The following HIP1 variants were observed in gnomAD, a reference collection of about 807,000 sequenced individuals.
The protein encoded by HIP1 is huntingtin interacting protein 1.
HIP1 carries 65 observed loss-of-function variants against 147.6 expected under a neutral mutation model. The ratio of observed to expected loss-of-function variants is 0.44; its 90% confidence interval spans 0.36 to 0.54. The LOEUF is 0.54. HIP1 is among the 20% of genes least tolerant of loss of function. The pLI is 0.00. For missense variants in HIP1, 1,061 were observed against 1,299.6 expected, an observed-to-expected ratio of 0.82 and a Z score of 2.82; for synonymous variants, 479 against 504.0, an observed-to-expected ratio of 0.95 and a Z score of 0.67.
intron 17 of HIP1, 101 bp downstream of exon 17, chr7:75,556,609 C>G: frequency 1.3e-6 from 1 of 757,802 alleles, no homozygotes; most frequent in Non-Finnish European, 2.3e-6. Context: ...CACCTGAGCC[C>G]AGGGAGGTGG....
chr7:75,717,988 A>G (rs1205453933), intron 1 of HIP1, among the ~76,000 whole-genome samples: 1 of 151,634 alleles, frequency 6.6e-6, no homozygotes, highest in Non-Finnish European at 1.5e-5. Flanking sequence ...AAAAAAAAAA[A>G]AGAATTAGCT....
chr7:75,634,932 A>C (rs4731229), intron 1 of HIP1, among the ~76,000 whole-genome samples: 41,066 of 131,958 alleles, frequency 0.31, 6,775 homozygotes, highest in African/African-American at 0.36. Context: ...AGAGTGAGAC[A>C]CTATCTCTGA....
In HIP1 at chr7:75,579,879, G is replaced by A. The variant is rs143064194; in HGVS notation, c.604+1358C>T. ...CGTATGGAGACCTGCAATGTGGAAC[G>A]TTGTCTTTCAGAGTTGGATGCTTGT... On this transcript the variant is annotated intron_variant, in intron 7 of 30. Transcript: ENST00000336926. Among the ~76,000 whole-genome samples, 24 of 152,268 alleles carry A rather than the reference G, an allele frequency of 1.6e-4. No individual in the cohort carries two copies. The East Asian group carries it at 4.6e-3, about 29-fold the overall frequency.
intron 17 of HIP1, 149 bp from the exon 18 acceptor site, chr7:75,556,318 T>C (rs1795005300): frequency 9.9e-7 from 1 of 1,008,206 alleles, no homozygotes; most frequent in Non-Finnish European, 1.5e-6. Flanking sequence ...GGGGACACAC[T>C]GATTGCAGTG....
rs61502264 is a variant in HIP1, at chr7:75,581,973, A to C, written c.542+102T>G. On this transcript the variant is annotated intron_variant, in intron 6 of 30. Transcript: ENST00000336926. ...ACCCAGGGGCTTTGGTCCCCATCCCAGCCACGGCCTCCCCCCATCAGGCCC... is the reference window on the plus strand; with the variant it reads ...ACCCAGGGGCTTTGGTCCCCATCCCCGCCACGGCCTCCCCCCATCAGGCCC... 4,869 of 937,666 alleles carry C rather than the reference A, an allele frequency of 5.2e-3. 152 individuals carry two copies. In the African/African-American group the frequency reaches 0.069, roughly 13 times the overall value. 58.1% of individuals were successfully genotyped at this position (937,666 alleles called of 1,614,324 possible). A position where few individuals can be genotyped will look rare whatever the true frequency, so the allele number is the denominator to read the frequency against.
chr7:75,558,854 A>T (rs1584796168), intron 14 of HIP1, among the ~76,000 whole-genome samples: 1 of 152,098 alleles, frequency 6.6e-6, no homozygotes, highest in South Asian at 2.1e-4. Flanking sequence ...CCCCATCTCT[A>T]CTATAAATAC....
At chr7:75,609,235 C>T (rs1188626080) in intron 1 of HIP1, among the ~76,000 whole-genome samples, 2 of 152,296 alleles carry the variant, frequency 1.3e-5, no homozygotes, top group Admixed American at 1.3e-4. Context: ...CCAAGCAACA[C>T]TTCATCATAG....
At chr7:75,655,513 C>T (rs930719074) in intron 1 of HIP1, among the ~76,000 whole-genome samples, 3 of 150,846 alleles carry the variant, frequency 2.0e-5, no homozygotes, top group Admixed American at 6.6e-5. Context: ...ATCCAGGAAG[C>T]GGAGGTTGTA....
intron 1 of HIP1, among the ~76,000 whole-genome samples, chr7:75,717,676 C>CAAAAAAAAAAAAAAAA (rs55982331): frequency 2.5e-5 from 3 of 117,740 alleles, no homozygotes; most frequent in African/African-American, 3.5e-5. Flanking sequence ...ACTAAAAATA[C>CAAAAAAAAAAAAAAAA]AAAAAAAAAA....
chr7:75,715,464 G>C (rs967687914), intron 1 of HIP1, among the ~76,000 whole-genome samples: 5 of 123,398 alleles, frequency 4.1e-5, no homozygotes, highest in African/African-American at 1.6e-4. Context: ...CACACAGAGA[G>C]AGAGAGAGAG....
At chr7:75,737,332 G>A (rs1802058417) in intron 1 of HIP1, among the ~76,000 whole-genome samples, 1 of 151,906 alleles carries the variant, frequency 6.6e-6, no homozygotes, top group African/African-American at 2.4e-5. Context: ...GGGGTGAAAA[G>A]CTTTATTCTT....
At chr7:75,563,338 G>T in intron 9 of HIP1, 75 bp from the exon 10 acceptor site, 1 of 1,375,406 alleles carries the variant, frequency 7.3e-7, no homozygotes, top group Non-Finnish European at 1.0e-6. Context: ...CAGCCACCTG[G>T]CTTTCCTGCC....
At chr7:75,726,346 C>T (rs927953862) in intron 1 of HIP1, among the ~76,000 whole-genome samples, 5 of 150,120 alleles carry the variant, frequency 3.3e-5, no homozygotes, top group African/African-American at 9.8e-5. Flanking sequence ...TGCAATGGTT[C>T]GGTCTTGGCT....
chr7:75,632,545 G>A (rs1025849710), intron 1 of HIP1, among the ~76,000 whole-genome samples: 1 of 148,268 alleles, frequency 6.7e-6, no homozygotes, highest in African/African-American at 2.5e-5. Flanking sequence ...ACACCACCAT[G>A]CCTGGCTAAT....
chr7:75,552,522 A>AG (rs1380685253), intron 22 of HIP1, among the ~76,000 whole-genome samples: 2 of 151,248 alleles, frequency 1.3e-5, no homozygotes, highest in Non-Finnish European at 2.9e-5. Context: ...TCTAATTAAA[A>AG]AAAAAATTTT....
intron 1 of HIP1, among the ~76,000 whole-genome samples, chr7:75,662,037 C>T (rs1799335446): frequency 8.1e-6 from 1 of 124,084 alleles, no homozygotes; most frequent in South Asian, 2.8e-4. Flanking sequence ...GAGGGGTGGA[C>T]TGGAGAGTGG....
In HIP1 at chr7:75,559,779, T is replaced by C; in HGVS notation, c.1328A>G (p.Gln443Arg). The change falls in exon 14 of 31, where the codon CAG becomes CGG. Residue 443 changes from glutamine (Q) to arginine (R), a missense_variant. Gln to Arg is a conservative substitution (Grantham distance 43). Around this residue, in one of 3 missense-constraint regions of HIP1, gnomAD observed 810 missense variants for 946.8 expected, o/e 0.86. Transcript: ENST00000336926. Reference protein sequence around the residue: ...LRAELDELRRQREDTEKAQRS... With the variant: ...LRAELDELRRRREDTEKAQRS... ...CTGAGCCTTCTCGGTGTCCTCCCGC[T>C]GCCTCCTGAGCTCGTCCAGTTCTGC... 1 of 1,527,256 alleles carries C rather than the reference T, an allele frequency of 6.5e-7. No homozygotes were observed. The highest frequency in any genetic ancestry group is 8.9e-7 in the Non-Finnish European group (1 of 1,129,472). 94.6% of individuals were successfully genotyped at this position (1,527,256 alleles called of 1,614,324 possible). A position where few individuals can be genotyped will look rare whatever the true frequency, so the allele number is the denominator to read the frequency against.
chr7:75,694,968 G>A (rs1194778818), intron 1 of HIP1, among the ~76,000 whole-genome samples: 1 of 152,024 alleles, frequency 6.6e-6, no homozygotes, highest in African/African-American at 2.4e-5. Flanking sequence ...CTGTCCTCTT[G>A]AACTCTATGA....
At chr7:75,694,105 A>G (rs1422108929) in intron 1 of HIP1, among the ~76,000 whole-genome samples, 1 of 151,960 alleles carries the variant, frequency 6.6e-6, no homozygotes, top group Non-Finnish European at 1.5e-5. Flanking sequence ...TTTTTGGTAG[A>G]GACGGGATTT....
Sources: allele counts gnomAD v4.1 joint callset (sites outside exome capture counted in the v4.1 genomes callset), GRCh38; gene constraint gnomAD v4.1.1; regional missense constraint gnomAD v4.1.1; transcripts MANE v1.5; gene names NCBI Gene and HGNC (gene_info 2026-07-23, HGNC 2026-07-21).